CUL4A: variants seen among roughly 807,000 people sequenced by gnomAD.
CUL4A encodes the protein cullin 4A.
A neutral mutation model predicts 95.5 loss-of-function variants in CUL4A; 16 were observed. The observed-to-expected ratio is 0.17, with a 90% CI of 0.11 to 0.25. CUL4A has a LOEUF of 0.25. Ranked by LOEUF, CUL4A falls within the 10% of genes least tolerant of loss-of-function variation. The probability of loss-of-function intolerance (pLI) is 1.00; values close to 1 mark genes in which losing one functional copy is unlikely to be tolerated. For synonymous variants in CUL4A, 380 were observed against 353.1 expected (o/e 1.08, Z -0.85); for missense variants, 610 against 937.0 (o/e 0.65, Z 4.56).
intron 2 of CUL4A, among the ~76,000 whole-genome samples, chr13:113,214,924 G>A (rs970756385): frequency 2.0e-5 from 3 of 151,890 alleles, no homozygotes; most frequent in Non-Finnish European, 2.9e-5. Flanking sequence ...CCGTGTGGCT[G>A]TGGAGGTCGC....
At chr13:113,209,952 C>T (rs2040309780) in intron 1 of CUL4A, 21 bp from the exon 2 acceptor site, 4 of 1,479,552 alleles carry the variant, frequency 2.7e-6, no homozygotes, top group South Asian at 1.3e-5. Flanking sequence ...CTGAGCCGCC[C>T]GCTCTCCCTC....
Position 113,229,417 on chromosome 13 carries a change from A to T in CUL4A, c.439-29A>T, listed in dbSNP as rs549707574. The T allele has an allele frequency of 4.4e-6, 7 of 1,602,998 alleles. No individual in the cohort carries two copies. In the Admixed American group the frequency reaches 6.7e-5, roughly 15 times the overall value. On this transcript the variant is annotated intron_variant, in intron 4 of 19. Transcript: ENST00000375440. ...TCATATTTTGCTAGTAGAATTCATA[A>T]GTAAATGGTTCTCCTTTCTGCTGGT...
chr13:113,245,717 AAAAG>A (rs1286090727), intron 14 of CUL4A, among the ~76,000 whole-genome samples: 11 of 152,252 alleles, frequency 7.2e-5, no homozygotes, highest in East Asian at 1.9e-4. Context: ...TAAAAGAAGA[AAAAG>A]AAGATCTAAA....
intron 8 of CUL4A, among the ~76,000 whole-genome samples, chr13:113,236,109 G>A (rs909470285): frequency 1.8e-4 from 27 of 152,296 alleles, no homozygotes; most frequent in African/African-American, 5.8e-4. Flanking sequence ...GATATGGTGT[G>A]CAGAACTGGA....
At position 113,210,159 on chromosome 13, in the gene CUL4A, C is replaced by G. The variant is rs2040331798; in HGVS notation, c.264+71C>G. 9 of 1,062,878 alleles carry G rather than the reference C, an allele frequency of 8.5e-6. No homozygotes were observed. In the East Asian group the frequency reaches 2.6e-4, roughly 31 times the overall value. 65.8% of individuals were successfully genotyped at this position (1,062,878 alleles called of 1,614,324 possible). ...ACGCAGACGCGGCCGGGCGGCCGCT[C>G]CGGGTGCCTCGCAGGCTCTCGCCGG... On this transcript the variant is annotated intron_variant, in intron 2 of 19. Coordinates refer to ENST00000375440, the MANE Select transcript of CUL4A (RefSeq NM_001008895.4).
Position 113,253,063 on chromosome 13 carries a change from G to A in CUL4A, c.1639-19G>A. 7.4e-7 allele frequency: 1 copy of A among 1,354,372 alleles called. No homozygotes were observed. Among genetic ancestry groups the A allele is most frequent in the Non-Finnish European group, 1.0e-6 (1 of 960,982 alleles). 83.9% of individuals were successfully genotyped at this position (1,354,372 alleles called of 1,614,324 possible). A position where few individuals can be genotyped will look rare whatever the true frequency, so the allele number is the denominator to read the frequency against. On this transcript the variant is annotated intron_variant, in intron 15 of 19. Transcript: ENST00000375440. ...GGATGGTGTGTGGCATAATTTTGTT[G>A]TTCTCCTATGCTTAACAGATGATTA...
intron 18 of CUL4A, among the ~76,000 whole-genome samples, chr13:113,259,109 G>A (rs9604042): frequency 0.074 from 11,330 of 152,172 alleles, 483 homozygotes; most frequent in Middle Eastern, 0.15. Context: ...AAACTCTTTA[G>A]CTTTGAAAGT....
Position 113,263,632 on chromosome 13 carries a change from A to G in CUL4A, c.*50A>G. ...ATGAAACACTAGAATGTACCCTCAG[A>G]GCAGGAAGCACACCTGTGCCATTTC... On this transcript the variant is annotated 3_prime_UTR_variant, in exon 20 of 20. Coordinates refer to ENST00000375440, the MANE Select transcript of CUL4A (RefSeq NM_001008895.4). The G allele has an allele frequency of 8.4e-7, 1 of 1,194,756 alleles. No individual in the cohort carries two copies. Among genetic ancestry groups the G allele is most frequent in the Non-Finnish European group, 1.2e-6 (1 of 827,802 alleles). The allele number at this position is 1,194,756 out of a possible 1,614,324, so 74.0% of individuals were successfully genotyped here. A position where few individuals can be genotyped will look rare whatever the true frequency, so the allele number is the denominator to read the frequency against.
At chr13:113,246,657 G>C (rs2041865997) in intron 15 of CUL4A, among the ~76,000 whole-genome samples, 1 of 152,220 alleles carries the variant, frequency 6.6e-6, no homozygotes, top group Non-Finnish European at 1.5e-5. Flanking sequence ...CAGCTGAGAA[G>C]GGAAGAAAGA....
intron 18 of CUL4A, among the ~76,000 whole-genome samples, chr13:113,255,728 T>C (rs1373358765): frequency 2.0e-5 from 3 of 152,238 alleles, no homozygotes; most frequent in Non-Finnish European, 4.4e-5. Context: ...TGTCTTTTCA[T>C]GACTGGGTAA....
At position 113,260,765 on chromosome 13, in the gene CUL4A, T is replaced by G. The variant is rs1321597783; in HGVS notation, c.2184+6T>G. ...AGCTGAAATTTCCAGTAAAGGTAAA[T>G]GTAACATTAGCATAATTAAATTTGT... is the stretch of plus-strand genomic sequence containing the variant. On this transcript the variant is annotated splice_donor_region_variant and intron_variant, in intron 19 of 19. Coordinates refer to ENST00000375440, the MANE Select transcript of CUL4A (RefSeq NM_001008895.4). The G allele has an allele frequency of 6.5e-7, 1 of 1,547,208 alleles. No homozygotes were observed. The highest frequency in any genetic ancestry group is 1.9e-5 in the Admixed American group (1 of 51,652).
chr13:113,237,163 A>C (rs780653390), intron 9 of CUL4A, among the ~76,000 whole-genome samples: 1 of 152,200 alleles, frequency 6.6e-6, no homozygotes, highest in Non-Finnish European at 1.5e-5. Flanking sequence ...ACTCATGCTG[A>C]AACATGGGTG....
intron 3 of CUL4A, among the ~76,000 whole-genome samples, chr13:113,226,586 C>G (rs964806161): frequency 6.6e-6 from 1 of 152,198 alleles, no homozygotes; most frequent in Admixed American, 6.5e-5. Context: ...GTTCTTTGTC[C>G]TAAACTACTT....
chr13:113,232,165 TACCC>T (rs2041357991), intron 5 of CUL4A, among the ~76,000 whole-genome samples: 1 of 30,968 alleles, frequency 3.2e-5, no homozygotes, highest in African/African-American at 1.4e-4. Flanking sequence ...CTGCCACCAC[TACCC>T]GCCCACCACC....
intron 2 of CUL4A, among the ~76,000 whole-genome samples, chr13:113,212,020 GT>G (rs1329364270): frequency 6.6e-6 from 1 of 152,216 alleles, no homozygotes; most frequent in African/African-American, 2.4e-5. Context: ...TTGTGGGTGT[GT>G]GGTGGAGTGT....
chr13:113,208,676 A>G (rs895107958), upstream of CUL4A: 2 of 1,582,922 alleles, frequency 1.3e-6, no homozygotes, highest in Non-Finnish European at 1.7e-6. Flanking sequence ...CTACGCCTCA[A>G]GCGGGCCAGC....
At position 113,254,815 on chromosome 13, in the gene CUL4A, G is replaced by T. The variant is rs1045645932; in HGVS notation, c.1858+17G>T. ...CGGGGATAGGTACGAAAACTGCAGA[G>T]TGCATAGCTCCATGAGTTGTTCTTA... is the stretch of plus-strand genomic sequence containing the variant. On this transcript the variant is annotated intron_variant, in intron 17 of 19. Transcript: ENST00000375440. 1 of 1,600,574 alleles carries T rather than the reference G, an allele frequency of 6.2e-7. No individual in the cohort carries two copies. Among genetic ancestry groups the T allele is most frequent in the African/African-American group, 1.3e-5 (1 of 74,590 alleles).
chr13:113,230,141 A>G (rs1198885562), intron 5 of CUL4A: 1 of 160,202 alleles, frequency 6.2e-6, no homozygotes, highest in Non-Finnish European at 1.4e-5. Context: ...TCACCGTCTG[A>G]TTTGTCTTGT....
intron 10 of CUL4A, among the ~76,000 whole-genome samples, chr13:113,240,015 T>C (rs72665228): frequency 0.097 from 14,789 of 152,284 alleles, 953 homozygotes; most frequent in Non-Finnish European, 0.14. Flanking sequence ...ACTTTCACTT[T>C]CATGTTTCGA....
Sources: allele counts gnomAD v4.1 joint callset (sites outside exome capture counted in the v4.1 genomes callset), GRCh38; gene constraint gnomAD v4.1.1; transcripts MANE v1.5; gene names NCBI Gene and HGNC (gene_info 2026-07-23, HGNC 2026-07-21).